Variants in DIXDC1 observed in about 807,000 individuals in gnomAD.
DIXDC1 encodes the protein DIX domain containing 1, also known as dixin.
In DIXDC1, 64 loss-of-function variants were observed where a neutral mutation model predicts 103.1. That is an observed-to-expected ratio of 0.62 (90% CI 0.51 to 0.76). DIXDC1 has a LOEUF of 0.76. Ranked by LOEUF, DIXDC1 falls within the 30% of genes least tolerant of loss-of-function variation. The pLI is 0.00. For missense variants in DIXDC1, 759 were observed against 834.2 expected (o/e 0.91, Z 1.11); for synonymous variants, 266 against 298.5 (o/e 0.89, Z 1.12).
intron 5 of DIXDC1, among the ~76,000 whole-genome samples, chr11:111,979,303 A>C (rs1289551949): frequency 6.6e-6 from 1 of 152,088 alleles, no homozygotes; most frequent in Non-Finnish European, 1.5e-5. Flanking sequence ...TTTTTACTGG[A>C]TTCTAGGAGG....
At chr11:111,985,502 G>C (rs1034769189) in intron 8 of DIXDC1, among the ~76,000 whole-genome samples, 181 bp downstream of exon 8, 1 of 152,102 alleles carries the variant, frequency 6.6e-6, no homozygotes, top group Non-Finnish European at 1.5e-5. Flanking sequence ...TATTTATTGA[G>C]TGCTGACTAT....
chr11:111,958,382 C>T lies in DIXDC1; in HGVS notation c.61-6167C>T, dbSNP rs1279711763. 1.3e-5 allele frequency among the ~76,000 whole-genome samples: 2 copies of T among 152,200 alleles called. No individual in the cohort carries two copies. The highest frequency in any genetic ancestry group is 4.8e-5 in the African/African-American group (2 of 41,448). ...CTAGGCTTGGAAATGCTTGCTCCTG[C>T]TGCCTGGCCTCTCCCGACTCCCTGC... On this transcript the variant is annotated intron_variant, in intron 1 of 19. Coordinates refer to ENST00000440460, the MANE Select transcript of DIXDC1 (RefSeq NM_001037954.4). The surrounding 1 kb of genome is among the most constrained non-coding windows in gnomAD (Gnocchi z 4.2).
chr11:112,016,490 G>A (rs893528059), intron 17 of DIXDC1, among the ~76,000 whole-genome samples: 3 of 152,090 alleles, frequency 2.0e-5, no homozygotes, highest in Non-Finnish European at 2.9e-5. Context: ...ATGAGTCCTC[G>A]CGATCGTGTC....
chr11:111,937,337 G>C (rs1966239562), upstream of DIXDC1: 9 of 1,416,194 alleles, frequency 6.4e-6, no homozygotes, highest in Non-Finnish European at 2.8e-6. Context: ...CCCAGTGCAA[G>C]CCGCTAGTTT....
At position 111,976,053 on chromosome 11, in the gene DIXDC1, C is replaced by A; in HGVS notation, c.656+1070C>A. 2.6e-6 allele frequency: 1 copy of A among 390,666 alleles called. No homozygotes were observed. The highest frequency in any genetic ancestry group is 3.5e-6 in the Non-Finnish European group (1 of 286,374). 24.2% of individuals were successfully genotyped at this position (390,666 alleles called of 1,614,324 possible). ...GGTGCGACCATCACCTCTATCCACT[C>A]AGAAGACATCTTCATCACCCCAAAA... On this transcript the variant is annotated intron_variant, in intron 5 of 19. Coordinates refer to ENST00000440460, the MANE Select transcript of DIXDC1 (RefSeq NM_001037954.4). The surrounding 1 kb of genome is among the most constrained non-coding windows in gnomAD (Gnocchi z 4.3).
chr11:111,988,885 A>G (rs1860595415), intron 9 of DIXDC1, 120 bp from the exon 10 acceptor site: 3 of 787,196 alleles, frequency 3.8e-6, no homozygotes, highest in Non-Finnish European at 6.2e-6. Context: ...CTGCCTTAGT[A>G]GAGGGTTAAT....
intron 17 of DIXDC1, among the ~76,000 whole-genome samples, chr11:112,013,618 T>A (rs1861498775): frequency 6.6e-6 from 1 of 152,190 alleles, no homozygotes; most frequent in Non-Finnish European, 1.5e-5. Context: ...CATTGTTTAC[T>A]TTTCCCTTTT....
At chr11:112,014,522 G>C (rs1327972128) in intron 17 of DIXDC1, among the ~76,000 whole-genome samples, 1 of 152,078 alleles carries the variant, frequency 6.6e-6, no homozygotes, top group South Asian at 2.1e-4. Context: ...TTTTAAAAAG[G>C]ACTCTCCAAC....
At chr11:111,991,181 A>T (rs1460681109) in intron 10 of DIXDC1, among the ~76,000 whole-genome samples, 1 of 152,206 alleles carries the variant, frequency 6.6e-6, no homozygotes, top group East Asian at 1.9e-4. Context: ...TACTTTTGAA[A>T]CACTTTAAAA....
At chr11:111,944,616 T>C (rs190943743) in intron 1 of DIXDC1, among the ~76,000 whole-genome samples, 1 of 152,336 alleles carries the variant, frequency 6.6e-6, no homozygotes, top group Admixed American at 6.5e-5. Flanking sequence ...AGAAGACTTT[T>C]ACCTAAAATC....
rs782384011 is a variant in DIXDC1, at chr11:111,952,192, G to A, written c.61-12357G>A. Among the ~76,000 whole-genome samples, 11 of 152,186 alleles carry A rather than the reference G, an allele frequency of 7.2e-5. 4 individuals are homozygous for A. The highest frequency in any genetic ancestry group is 2.6e-4 in the African/African-American group (11 of 41,518). On this transcript the variant is annotated intron_variant, in intron 1 of 19. Coordinates refer to ENST00000440460, the MANE Select transcript of DIXDC1 (RefSeq NM_001037954.4). ...AAAATCTCTTTTTCTTCCCAGTCTC[G>A]GGTATGTCTTTATCAGCAGCGTGAA... is the stretch of plus-strand genomic sequence containing the variant.
intron 17 of DIXDC1, among the ~76,000 whole-genome samples, chr11:112,015,128 G>A (rs782344605): frequency 9.2e-5 from 14 of 151,974 alleles, no homozygotes; most frequent in Non-Finnish European, 1.3e-4. Flanking sequence ...CAGGCAATCC[G>A]CCCACCTCGG....
At chr11:111,937,134 G>C (rs1236808403), upstream of DIXDC1, 12 of 713,714 alleles carry the variant, frequency 1.7e-5, 1 homozygote, top group East Asian at 4.1e-4. Context: ...GCCCGGGCGG[G>C]GGGGGGGTGT....
chr11:111,971,453 T>C (rs1304183759), intron 3 of DIXDC1, among the ~76,000 whole-genome samples: 1 of 152,132 alleles, frequency 6.6e-6, no homozygotes, highest in Non-Finnish European at 1.5e-5. Flanking sequence ...AGTCAAAAAA[T>C]AACAGATGTT....
intron 1 of DIXDC1, among the ~76,000 whole-genome samples, chr11:111,963,339 G>A (rs587672813): frequency 3.3e-5 from 5 of 152,212 alleles, no homozygotes; most frequent in South Asian, 4.1e-4. Context: ...CCTCCTGATC[G>A]TTGCACTTCC....
chr11:111,929,847 C>T (rs587752580), exon 2 of DIXDC1: 1 of 1,535,576 alleles, frequency 6.5e-7, no homozygotes, highest in South Asian at 1.2e-5. Context: ...TCTAGGGACT[C>T]TTGAAGATGG....
chr11:111,968,617 A>G lies in DIXDC1; in HGVS notation c.295A>G (p.Met99Val), dbSNP rs1352994869. 3 of 1,610,628 alleles carry G rather than the reference A, an allele frequency of 1.9e-6. No homozygotes were observed. Among genetic ancestry groups the G allele is most frequent in the Non-Finnish European group, 2.5e-6 (3 of 1,178,424 alleles). ...LQFVASKKIR[M>V]HQTSAKDIVD... The stretch of plus-strand genomic sequence containing the variant: ...GTTTGTGGCCTCTAAAAAGATTCGT[A>G]TGCACCAGACTTCGGCTAAAGGTCA... Residue 99 changes from methionine (M) to valine (V), a missense_variant, in exon 3 of 20, where the codon ATG (methionine) becomes GTG (valine). This residue lies in a region of DIXDC1 where 657 missense variants were observed against 727.5 expected (regional missense o/e 0.90). Coordinates refer to ENST00000440460, the MANE Select transcript of DIXDC1 (RefSeq NM_001037954.4).
intron 6 of DIXDC1, 34 bp downstream of exon 6, chr11:111,980,883 G>A (rs782721787): frequency 6.4e-7 from 1 of 1,572,966 alleles, no homozygotes; most frequent in Non-Finnish European, 8.7e-7. Flanking sequence ...GCTGGTTCAA[G>A]GAACAGTCAG....
chr11:111,982,166 C>T, intron 6 of DIXDC1, 173 bp from the exon 7 acceptor site: 1 of 586,012 alleles, frequency 1.7e-6, no homozygotes, highest in South Asian at 3.0e-5. Context: ...GGCCTGAGCT[C>T]ACAGCCAATT....
Sources: allele counts gnomAD v4.1 joint callset (sites outside exome capture counted in the v4.1 genomes callset), GRCh38; gene constraint gnomAD v4.1.1; regional missense constraint gnomAD v4.1.1; non-coding constraint Gnocchi (gnomAD v3.1); transcripts MANE v1.5; gene names NCBI Gene and HGNC (gene_info 2026-07-23, HGNC 2026-07-21).